Variants in EP400 observed in about 807,000 individuals in gnomAD.
The protein encoded by EP400 is E1A binding protein p400, also known as E1A-binding protein p400.
Under a neutral mutation model 354.1 loss-of-function variants are expected in EP400, and 105 were observed. The ratio of observed to expected loss-of-function variants is 0.30; its 90% confidence interval spans 0.25 to 0.35. The LOEUF (loss-of-function observed/expected upper bound fraction) is 0.35, where lower values mean the gene tolerates loss of function less well. Ranked by LOEUF, EP400 falls within the 10% of genes least tolerant of loss-of-function variation. The probability of loss-of-function intolerance (pLI) is 1.00; values close to 1 mark genes in which losing one functional copy is unlikely to be tolerated. For synonymous variants in EP400, 1,646 were observed against 1,716.9 expected (o/e 0.96, Z 1.02); for missense variants, 3,280 against 4,121.0 (o/e 0.80, Z 5.59).
chr12:132,069,760 G>C (rs750123965), intron 51 of EP400, 119 bp downstream of exon 51: 34 of 1,446,416 alleles, frequency 2.4e-5, no homozygotes, highest in South Asian at 1.3e-4. Flanking sequence ...TGGTGCACTG[G>C]AGGGAAGTGT....
chr12:131,979,648 A>G (rs768908759), intron 2 of EP400, 46 bp from the exon 3 acceptor site: 3 of 1,527,546 alleles, frequency 2.0e-6, no homozygotes, highest in Admixed American at 2.1e-5. Flanking sequence ...TATTCTTGTA[A>G]TGGCCTTCAG....
chr12:131,985,855 A>T (rs1191392849), intron 5 of EP400, among the ~76,000 whole-genome samples: 1 of 152,098 alleles, frequency 6.6e-6, no homozygotes, highest in Admixed American at 6.5e-5. Flanking sequence ...TGATCCGCCC[A>T]CCTCGGCCTC....
At chr12:132,060,170 TAAG>T (rs1336826606) in intron 45 of EP400, among the ~76,000 whole-genome samples, 17 of 152,220 alleles carry the variant, frequency 1.1e-4, no homozygotes, top group African/African-American at 3.9e-4. Context: ...AACCCAAACT[TAAG>T]AATGGGCTTA....
chr12:132,041,056 TGAG>T (rs1162076590), intron 32 of EP400, among the ~76,000 whole-genome samples: 3 of 152,124 alleles, frequency 2.0e-5, no homozygotes, highest in African/African-American at 7.2e-5. Flanking sequence ...AGTGGGTGTG[TGAG>T]GAGGATGGCT....
At chr12:132,009,045 C>CT (rs1893678450) in intron 15 of EP400, among the ~76,000 whole-genome samples, 1 of 144,326 alleles carries the variant, frequency 6.9e-6, no homozygotes, top group Non-Finnish European at 1.5e-5. Context: ...TCCTAAGGAG[C>CT]TACTTAGGAG....
In EP400 at chr12:132,017,344, G is replaced by A. The variant is rs1450637140; in HGVS notation, c.3924-191G>A. On this transcript the variant is annotated intron_variant, in intron 19 of 52. Transcript: ENST00000389561. The surrounding 1 kb of genome is among the most constrained non-coding windows in gnomAD (Gnocchi z 5.0). ...TGGGGCGGATGTCATTCTCAATGGG[G>A]ATGGCGAACAAGTGCAGAGGGGCCT... is the stretch of plus-strand genomic sequence containing the variant. Among the ~76,000 whole-genome samples, 1 of 152,216 alleles carries A rather than the reference G, an allele frequency of 6.6e-6. No individual in the cohort carries two copies. The highest frequency in any genetic ancestry group is 2.4e-5 in the African/African-American group (1 of 41,454).
Position 132,078,473 on chromosome 12 carries a change from A to G in EP400, c.*800A>G, listed in dbSNP as rs1896302724. 1 of 152,310 alleles carries G rather than the reference A, an allele frequency of 6.6e-6. No homozygotes were observed. The allele number at this position is 152,310 out of a possible 1,614,324, so 9.4% of individuals were successfully genotyped here. A position where few individuals can be genotyped will look rare whatever the true frequency, so the allele number is the denominator to read the frequency against. On this transcript the variant is annotated 3_prime_UTR_variant, in exon 53 of 53. Transcript: ENST00000389561. ...AGACGCATCTCCAGTTTTCGGGGGA[A>G]GCTGGTATTTGACATAGTGTGTTAA... is the stretch of plus-strand genomic sequence containing the variant.
At chr12:131,951,489 G>C (rs955581863) in intron 1 of EP400, among the ~76,000 whole-genome samples, 3 of 152,186 alleles carry the variant, frequency 2.0e-5, no homozygotes, top group African/African-American at 7.2e-5. Context: ...ACACGTGGAA[G>C]TGTTAATAGG....
intron 1 of EP400, among the ~76,000 whole-genome samples, chr12:131,959,004 C>T (rs770627931): frequency 5.3e-5 from 8 of 152,182 alleles, no homozygotes; most frequent in Non-Finnish European, 1.2e-4. Flanking sequence ...ACAGGGGCAC[C>T]TGGGTGTGTC....
At chr12:131,976,059 C>T (rs1892462343) in intron 2 of EP400, among the ~76,000 whole-genome samples, 1 of 151,934 alleles carries the variant, frequency 6.6e-6, no homozygotes, top group African/African-American at 2.4e-5. Flanking sequence ...TTTTTTATTT[C>T]GGATGTTGTA....
At chr12:131,951,473 G>A (rs528574743) in intron 1 of EP400, among the ~76,000 whole-genome samples, 191 of 152,226 alleles carry the variant, frequency 1.3e-3, no homozygotes, top group South Asian at 1.2e-3. Flanking sequence ...GAGCTACCGC[G>A]CCGGGACACG....
chr12:131,954,856 C>T (rs554665198), intron 1 of EP400, among the ~76,000 whole-genome samples: 4 of 151,624 alleles, frequency 2.6e-5, no homozygotes, highest in Admixed American at 6.6e-5. Flanking sequence ...GGTGAAACCT[C>T]GTCTGTACAA....
intron 39 of EP400, among the ~76,000 whole-genome samples, chr12:132,046,648 C>G (rs1895107421): frequency 6.6e-6 from 1 of 152,228 alleles, no homozygotes; most frequent in African/African-American, 2.4e-5. Context: ...GTCCAGGCGG[C>G]TGGTCAGTAA....
chr12:131,950,178 G>C (rs1049029516), intron 1 of EP400, 142 bp downstream of exon 1: 3 of 152,034 alleles, frequency 2.0e-5, no homozygotes, highest in East Asian at 1.9e-4. Context: ...GGACCAGGCC[G>C]TGGCGGCTGT....
rs537837553 is a variant in EP400 at position 132,027,826 on chromosome 12, C to T, written c.5110-191C>T. Among the ~76,000 whole-genome samples the T allele has an allele frequency of 1.2e-3, 184 of 152,278 alleles. 1 individual carries two copies. The highest frequency in any genetic ancestry group is 3.4e-3 in the Middle Eastern group (1 of 294). ...GCAAAGAAGAGAACGCTTGTGCTCT[C>T]GGCTTCATTTCCATCTCTATTTCCT... is the stretch of plus-strand genomic sequence containing the variant. On this transcript the variant is annotated intron_variant, in intron 26 of 52. Coordinates refer to ENST00000389561, the MANE Select transcript of EP400 (RefSeq NM_015409.5). The surrounding 1 kb of genome is among the most constrained non-coding windows in gnomAD (Gnocchi z 4.9).
chr12:132,022,345 T>C (rs144217965), intron 23 of EP400, among the ~76,000 whole-genome samples: 2 of 152,354 alleles, frequency 1.3e-5, no homozygotes, highest in Non-Finnish European at 2.9e-5. Flanking sequence ...TGTTGAGAGA[T>C]TGACACTTCT....
In EP400 at chr12:132,018,804, C is replaced by T. The variant is rs1049326344; in HGVS notation, c.4277+428C>T. Among the ~76,000 whole-genome samples the T allele has an allele frequency of 3.3e-5, 5 of 152,138 alleles. No individual in the cohort carries two copies. Among genetic ancestry groups the T allele is most frequent in the African/African-American group, 9.7e-5 (4 of 41,406 alleles). ...TGATGCTTTTGCGGGTGTCATGAGG[C>T]TGGGAGGGACAGACACGTTAGATGA... On this transcript the variant is annotated intron_variant, in intron 21 of 52. Coordinates refer to ENST00000389561, the MANE Select transcript of EP400 (RefSeq NM_015409.5). This position sits in a 1 kb window ranked among gnomAD's most constrained non-coding sequence, Gnocchi z 4.0.
rs1445578923 is a variant in EP400, at chr12:132,054,604, A to C, written c.7729-370A>C. Among the ~76,000 whole-genome samples the C allele has an allele frequency of 6.6e-6, 1 of 152,218 alleles. No homozygotes were observed. The highest frequency in any genetic ancestry group is 1.5e-5 in the Non-Finnish European group (1 of 68,048). ...TCATAAGAAGAACAAAACAGCAAGT[A>C]CAGAGGCCCTGAGCTTGGCTGATAT... On this transcript the variant is annotated intron_variant, in intron 43 of 52. Transcript: ENST00000389561. This position sits in a 1 kb window ranked among gnomAD's most constrained non-coding sequence, Gnocchi z 4.0.
Position 131,992,176 on chromosome 12 carries a change from T to G in EP400, c.2683T>G (p.Ser895Ala), listed in dbSNP as rs779706099. 5.6e-6 allele frequency: 9 copies of G among 1,607,788 alleles called. No individual in the cohort carries two copies. The South Asian group carries it at 9.9e-5, about 18-fold the overall frequency. ...FDALQESSLD[S>A]GMSGRKRKAS... ...GTTTTTCTTTCTTTTCTTTCAGGAT[T>G]CAGGAATGTCTGGAAGAAAAAGAAA... is the stretch of plus-strand genomic sequence containing the variant. The change falls in exon 11 of 53, where the codon TCA becomes GCA. Residue 895 changes from serine to alanine, a missense_variant. Coordinates refer to ENST00000389561, the MANE Select transcript of EP400 (RefSeq NM_015409.5).
Sources: allele counts gnomAD v4.1 joint callset (sites outside exome capture counted in the v4.1 genomes callset), GRCh38; gene constraint gnomAD v4.1.1; non-coding constraint Gnocchi (gnomAD v3.1); transcripts MANE v1.5; gene names NCBI Gene and HGNC (gene_info 2026-07-23, HGNC 2026-07-21).